The following DNM3 variants were observed in gnomAD, a reference collection of about 807,000 sequenced individuals.
DNM3 encodes dynamin-3.
In DNM3, 47 loss-of-function variants were observed where a neutral mutation model predicts 101.6. That is an observed-to-expected ratio of 0.46 (90% CI 0.37 to 0.59). The LOEUF is 0.59. DNM3 is among the 20% of genes least tolerant of loss of function. DNM3 has a pLI of 0.00. For synonymous variants in DNM3, 385 were observed against 387.9 expected (o/e 0.99, Z 0.09); for missense variants, 849 against 1,085.7 (o/e 0.78, Z 3.06).
At chr1:171,925,697 T>A (rs2040515399) in intron 2 of DNM3, among the ~76,000 whole-genome samples, 2 of 152,222 alleles carry the variant, frequency 1.3e-5, no homozygotes, top group Non-Finnish European at 2.9e-5. Context: ...CAGTGCATAA[T>A]GTCTTTAGTT....
chr1:172,071,239 A>C (rs1014634529), intron 11 of DNM3, among the ~76,000 whole-genome samples: 3 of 151,414 alleles, frequency 2.0e-5, no homozygotes, highest in Non-Finnish European at 4.4e-5. Flanking sequence ...TCAATCTGCA[A>C]CTCAGTTACA....
intron 13 of DNM3, among the ~76,000 whole-genome samples, chr1:172,105,445 C>T (rs921365080): frequency 6.6e-6 from 1 of 152,176 alleles, no homozygotes; most frequent in African/African-American, 2.4e-5. Context: ...AACCTAGAGT[C>T]CATATCTGGG....
At chr1:172,078,141 G>T (rs1404475327) in intron 11 of DNM3, among the ~76,000 whole-genome samples, 4 of 152,118 alleles carry the variant, frequency 2.6e-5, no homozygotes, top group African/African-American at 7.2e-5. Flanking sequence ...CACCCAGGCT[G>T]CAGTGCAGTG....
At chr1:172,017,099 T>C (rs1376186428) in intron 4 of DNM3, among the ~76,000 whole-genome samples, 1 of 152,232 alleles carries the variant, frequency 6.6e-6, no homozygotes, top group Non-Finnish European at 1.5e-5. Flanking sequence ...CTTTCTTTCA[T>C]ATCTGACATT....
At chr1:172,085,038 T>A (rs904116758) in intron 12 of DNM3, among the ~76,000 whole-genome samples, 4 of 152,144 alleles carry the variant, frequency 2.6e-5, no homozygotes, top group Non-Finnish European at 2.9e-5. Flanking sequence ...TTTTTCCATC[T>A]TCTAGTTATT....
intron 4 of DNM3, among the ~76,000 whole-genome samples, chr1:172,025,955 G>A (rs1186809148): frequency 6.6e-6 from 1 of 152,132 alleles, no homozygotes; most frequent in East Asian, 1.9e-4. Flanking sequence ...AGGAGAATGA[G>A]TTTGATGAAT....
At position 171,936,007 on chromosome 1, in the gene DNM3, TGAA is replaced by T. The variant is rs2041389366; in HGVS notation, c.235+14191_235+14193del. ...TCCATTTGGAATTTGATATGCCCCC[TGAA>T]GAAGGTGTTTTTTTTTTTTAAGACA... is the stretch of plus-strand genomic sequence containing the variant. On this transcript the variant is annotated intron_variant, in intron 2 of 20. Transcript: ENST00000627582. Among the ~76,000 whole-genome samples, 3 of 151,096 alleles carry T rather than the reference TGAA, an allele frequency of 2.0e-5. No individual in the cohort carries two copies. In the South Asian group the frequency reaches 6.3e-4, roughly 32 times the overall value.
chr1:172,292,150 T>C (rs2063945625), intron 15 of DNM3, among the ~76,000 whole-genome samples: 1 of 152,208 alleles, frequency 6.6e-6, no homozygotes, highest in Admixed American at 6.6e-5. Context: ...TTTTCTTATA[T>C]ATTTACCTTA....
In DNM3 at chr1:172,069,355, GGA is replaced by G. The variant is rs1558518587; in HGVS notation, c.1422+456_1422+457del. Among the ~76,000 whole-genome samples, 3 of 151,944 alleles carry G rather than the reference GGA, an allele frequency of 2.0e-5. 1 individual carries two copies. Among genetic ancestry groups the G allele is most frequent in the Non-Finnish European group, 4.4e-5 (3 of 67,992 alleles). On this transcript the variant is annotated intron_variant, in intron 11 of 20. Coordinates refer to ENST00000627582, the MANE Select transcript of DNM3 (RefSeq NM_015569.5). ...GCTCAGTGTTTTCATTTTTTTCTGAGGAGAGAGTGGACCTAGATTTTCATCAG... is the reference window on the plus strand; with the variant it reads ...GCTCAGTGTTTTCATTTTTTTCTGAGGAGAGTGGACCTAGATTTTCATCAG...
chr1:172,312,828 T>C (rs1198992504), intron 16 of DNM3, among the ~76,000 whole-genome samples: 1 of 152,216 alleles, frequency 6.6e-6, no homozygotes, highest in Non-Finnish European at 1.5e-5. Context: ...AGTGGATATC[T>C]GTATAAAATA....
chr1:172,277,998 A>G (rs1557921279), intron 15 of DNM3, among the ~76,000 whole-genome samples: 2 of 152,136 alleles, frequency 1.3e-5, no homozygotes, highest in African/African-American at 4.8e-5. Flanking sequence ...CATCTCTGAA[A>G]GCATCTCTCA....
intron 7 of DNM3, among the ~76,000 whole-genome samples, chr1:172,039,247 A>G (rs2038481): frequency 0.38 from 57,827 of 151,878 alleles, 11,636 homozygotes; most frequent in East Asian, 0.69. Flanking sequence ...CAGGATACCC[A>G]AGGTCTACCT....
intron 15 of DNM3, chr1:172,289,741 A>G: frequency 2.0e-6 from 2 of 984,910 alleles, no homozygotes; most frequent in Non-Finnish European, 2.4e-6. Flanking sequence ...AAGTTTCAAT[A>G]CTGTGTGTAA....
At chr1:172,055,417 T>TACAC (rs139632491) in intron 10 of DNM3, among the ~76,000 whole-genome samples, 9 of 150,334 alleles carry the variant, frequency 6.0e-5, no homozygotes, top group East Asian at 1.9e-4. Context: ...TTCCCACAAA[T>TACAC]ACACACACAC....
rs115830832 is a variant in DNM3 at position 172,281,607 on chromosome 1, C to T, written c.1770-27121C>T. ...GTACTATAAGTTACTTAATAGCTGT[C>T]GTATTTAATATAAGTAATTATTGTT... On this transcript the variant is annotated intron_variant, in intron 15 of 20. Transcript: ENST00000627582. 4.8e-3 allele frequency among the ~76,000 whole-genome samples: 733 copies of T among 152,116 alleles called. 3 individuals carry two copies. The highest frequency in any genetic ancestry group is 0.017 in the African/African-American group (690 of 41,516).
At chr1:172,000,820 A>G (rs1172119141) in intron 4 of DNM3, among the ~76,000 whole-genome samples, 2 of 152,088 alleles carry the variant, frequency 1.3e-5, no homozygotes, top group Non-Finnish European at 2.9e-5. Flanking sequence ...CAGGAATTAT[A>G]GACAGCTCTT....
At chr1:172,317,579 T>C (rs948088439) in intron 16 of DNM3, among the ~76,000 whole-genome samples, 3 of 152,102 alleles carry the variant, frequency 2.0e-5, no homozygotes, top group Non-Finnish European at 4.4e-5. Context: ...CCCACAGAAA[T>C]ACAAACTACC....
In DNM3 at chr1:172,411,559, T is replaced by C. The variant is rs1372001223; in HGVS notation, c.*3718T>C. The C allele has an allele frequency of 1.1e-5, 11 of 969,568 alleles. No homozygotes were observed. Among genetic ancestry groups the C allele is most frequent in the East Asian group, 2.3e-4 (2 of 8,638 alleles). 60.1% of individuals were successfully genotyped at this position (969,568 alleles called of 1,614,324 possible). ...GAAGTAAAAAAAAAAAAAAAGGACA[T>C]AGCAACATTAAAGTAGTGGATTTTT... On this transcript the variant is annotated 3_prime_UTR_variant, in exon 21 of 21. Coordinates refer to ENST00000627582, the MANE Select transcript of DNM3 (RefSeq NM_015569.5).
At chr1:171,900,102 G>A (rs10436867) in intron 1 of DNM3, among the ~76,000 whole-genome samples, 30,078 of 152,158 alleles carry the variant, frequency 0.2, 3,536 homozygotes, top group East Asian at 0.48. Flanking sequence ...AGTAAGGGAC[G>A]TGGAGAAAAT....
Sources: allele counts gnomAD v4.1 joint callset (sites outside exome capture counted in the v4.1 genomes callset), GRCh38; gene constraint gnomAD v4.1.1; transcripts MANE v1.5; gene names NCBI Gene and HGNC (gene_info 2026-07-23, HGNC 2026-07-21).